Variants in RAP1B observed in about 807,000 individuals in gnomAD.
The protein encoded by RAP1B is ras-related protein Rap-1b.
RAP1B carries 1 observed loss-of-function variant against 27.5 expected under a neutral mutation model. The ratio of observed to expected loss-of-function variants is 0.04; its 90% CI spans 0.01 to 0.17. RAP1B has a LOEUF of 0.17. Ranked by LOEUF, RAP1B falls within the 10% of genes least tolerant of loss-of-function variation. RAP1B has a pLI of 1.00. For missense variants in RAP1B, 84 were observed against 214.8 expected, an observed-to-expected ratio of 0.39 and a Z score of 3.81; for synonymous variants, 75 against 73.1, an observed-to-expected ratio of 1.03 and a Z score of -0.13.
Position 68,650,419 on chromosome 12 carries a change from G to T in RAP1B, c.77G>T (p.Gly26Val). ...TTTCAGACTGTACAATTTGTTCAAG[G>T]AATTTTTGTAGAAAAATACGATCCT... ...KSALTVQFVQ[G>V]IFVEKYDPTI... Residue 26 changes from glycine (G) to valine (V), a missense_variant, in exon 3 of 8, where the codon GGA (glycine) becomes GTA (valine). By Grantham distance (109) the Gly-to-Val change is moderately radical. Transcript: ENST00000250559. 6.4e-7 allele frequency: 1 copy of T among 1,561,670 alleles called. No individual in the cohort carries two copies. Among genetic ancestry groups the T allele is most frequent in the South Asian group, 1.2e-5 (1 of 83,718 alleles).
At chr12:68,627,110 G>A in intron 1 of RAP1B, 1 of 1,589,480 alleles carries the variant, frequency 6.3e-7, no homozygotes, top group Non-Finnish European at 8.5e-7. Context: ...GAATGGAGAT[G>A]ATAACTTGGC....
At chr12:68,639,315 T>C (rs1264908130) in intron 1 of RAP1B, among the ~76,000 whole-genome samples, 2 of 152,106 alleles carry the variant, frequency 1.3e-5, no homozygotes, top group African/African-American at 2.4e-5. Context: ...ATTCCATCTT[T>C]TTGTAGACAA....
rs1039530712 is a variant in RAP1B at position 68,625,160 on chromosome 12, A to G, written c.-27+14117A>G. On this transcript the variant is annotated intron_variant, in intron 1 of 7. Transcript: ENST00000250559. ...TACTTGCTGGCCTAGTAATTATGCA[A>G]GTAAGTAATTAAGTGTTTATTCATA... Among the ~76,000 whole-genome samples, 6 of 152,252 alleles carry G rather than the reference A, an allele frequency of 3.9e-5. No homozygotes were observed. The East Asian group carries it at 5.8e-4, about 15-fold the overall frequency.
At chr12:68,653,370 G>GTTACCTTCAA (rs72254551) in intron 4 of RAP1B, among the ~76,000 whole-genome samples, 19,646 of 151,944 alleles carry the variant, frequency 0.13, 1,470 homozygotes, top group East Asian at 0.24. Flanking sequence ...GCACTGTGTT[G>GTTACCTTCAA]TTACCTTCAA....
At chr12:68,613,600 G>C (rs905664164) in intron 1 of RAP1B, among the ~76,000 whole-genome samples, 2 of 152,138 alleles carry the variant, frequency 1.3e-5, no homozygotes, top group African/African-American at 4.8e-5. Context: ...TTAACGCACT[G>C]GCATGGTGCC....
At position 68,661,397 on chromosome 12, in the gene RAP1B, C is replaced by T. The variant is rs1425619432; in HGVS notation, c.*2148C>T. ...GCTATGTACCAGGCCCAGTTCTAGGCTCAAACAGCTAAATATTCATTCATT... is the reference window on the plus strand; with the variant it reads ...GCTATGTACCAGGCCCAGTTCTAGGTTCAAACAGCTAAATATTCATTCATT... On this transcript the variant is annotated 3_prime_UTR_variant, in exon 8 of 8. Coordinates refer to ENST00000250559, the MANE Select transcript of RAP1B (RefSeq NM_001010942.3). 2.0e-5 allele frequency: 3 copies of T among 152,114 alleles called. No homozygotes were observed. Among genetic ancestry groups the T allele is most frequent in the African/African-American group, 2.4e-5 (1 of 41,420 alleles). The allele number at this position is 152,114 out of a possible 1,614,324, so 9.4% of individuals were successfully genotyped here. A position where few individuals can be genotyped will look rare whatever the true frequency, so the allele number is the denominator to read the frequency against.
rs1262332667 is a variant in RAP1B at position 68,663,631 on chromosome 12, TG to T, written c.*4383del. ...GCCATTTTTTAAAAAAAGTATTCCA[TG>T]TTACACACATTTTAAACTTGCTTCT... is the stretch of plus-strand genomic sequence containing the variant. On this transcript the variant is annotated 3_prime_UTR_variant, in exon 8 of 8. Transcript: ENST00000250559. The T allele has an allele frequency of 6.6e-6, 1 of 152,234 alleles. No individual in the cohort carries two copies. Among genetic ancestry groups the T allele is most frequent in the Non-Finnish European group, 1.5e-5 (1 of 68,036 alleles). 9.4% of individuals were successfully genotyped at this position (152,234 alleles called of 1,614,324 possible).
intron 1 of RAP1B, among the ~76,000 whole-genome samples, chr12:68,636,035 C>T (rs1872609885): frequency 6.6e-6 from 1 of 151,498 alleles, no homozygotes. Context: ...CCCGCCACCA[C>T]ATTCGAGTAT....
In RAP1B at chr12:68,648,690, T is replaced by C. The variant is rs958973147; in HGVS notation, c.-26-9T>C. 2.4e-5 allele frequency: 39 copies of C among 1,592,754 alleles called. No individual in the cohort carries two copies. Among genetic ancestry groups the C allele is most frequent in the Non-Finnish European group, 3.2e-5 (37 of 1,165,752 alleles). ...CTTAGAATTCTTTTTTTTTTTTTCC[T>C]TTAATAAGGTACTAGGTTTTGACAA... On this transcript the variant is annotated splice_polypyrimidine_tract_variant and intron_variant, in intron 1 of 7. Coordinates refer to ENST00000250559, the MANE Select transcript of RAP1B (RefSeq NM_001010942.3).
chr12:68,637,422 AC>A (rs1256849601), intron 1 of RAP1B, among the ~76,000 whole-genome samples: 2 of 151,774 alleles, frequency 1.3e-5, no homozygotes, highest in African/African-American at 2.4e-5. Context: ...TCATGGTGAA[AC>A]CCCACCTCTA....
At chr12:68,617,840 T>G (rs1360199231) in intron 1 of RAP1B, among the ~76,000 whole-genome samples, 1 of 152,108 alleles carries the variant, frequency 6.6e-6, no homozygotes, top group Admixed American at 6.5e-5. Context: ...CTTGGCTCAC[T>G]GCAGCTTCAA....
At chr12:68,622,450 T>C (rs1422629166) in intron 1 of RAP1B, among the ~76,000 whole-genome samples, 5 of 152,250 alleles carry the variant, frequency 3.3e-5, no homozygotes, top group East Asian at 1.9e-4. Flanking sequence ...CAGTTCTTGC[T>C]TACTTCACAA....
intron 1 of RAP1B, chr12:68,641,183 A>T (rs746549549): frequency 4.6e-5 from 7 of 151,996 alleles, no homozygotes; most frequent in Non-Finnish European, 1.0e-4. Context: ...GCTAATTTTC[A>T]TATTTTTTGT....
Position 68,656,698 on chromosome 12 carries a change from G to A in RAP1B, c.468+249G>A, listed in dbSNP as rs944435682. 1.4e-5 allele frequency: 8 copies of A among 564,796 alleles called. No individual in the cohort carries two copies. The African/African-American group carries it at 1.5e-4, about 11-fold the overall frequency. The allele number at this position is 564,796 out of a possible 1,614,324, so 35.0% of individuals were successfully genotyped here. A position where few individuals can be genotyped will look rare whatever the true frequency, so the allele number is the denominator to read the frequency against. ...ACTGGACAGAAAATACATGGATAGGGAAGACAGATTAAGACTTCAGGTATA... is the reference window on the plus strand; with the variant it reads ...ACTGGACAGAAAATACATGGATAGGAAAGACAGATTAAGACTTCAGGTATA... On this transcript the variant is annotated intron_variant, in intron 6 of 7. Transcript: ENST00000250559.
At chr12:68,639,826 A>G (rs1872872050) in intron 1 of RAP1B, among the ~76,000 whole-genome samples, 1 of 151,544 alleles carries the variant, frequency 6.6e-6, no homozygotes, top group African/African-American at 2.4e-5. Flanking sequence ...ACTAATTAGC[A>G]TGTCACCCCA....
rs899585788 is a variant in RAP1B, at chr12:68,613,313, C to T, written c.-27+2270C>T. 1.3e-4 allele frequency among the ~76,000 whole-genome samples: 19 copies of T among 150,634 alleles called. 1 individual carries two copies. The highest frequency in any genetic ancestry group is 1.0e-3 in the Admixed American group (15 of 15,046). ...TTCACATTGAATGAACCAGCTTGAA[C>T]CTGGGAGGCGGAGGGTGCAGTGAGC... On this transcript the variant is annotated intron_variant, in intron 1 of 7. Coordinates refer to ENST00000250559, the MANE Select transcript of RAP1B (RefSeq NM_001010942.3).
chr12:68,626,323 C>T (rs1227952749), intron 1 of RAP1B, among the ~76,000 whole-genome samples: 1 of 152,208 alleles, frequency 6.6e-6, no homozygotes, highest in Admixed American at 6.5e-5. Flanking sequence ...AGCTTATAAA[C>T]TGCATGTAGT....
chr12:68,659,429 T>C lies in RAP1B; in HGVS notation c.*180T>C. On this transcript the variant is annotated 3_prime_UTR_variant, in exon 8 of 8. Transcript: ENST00000250559. ...TTTGCACATTCTAATCACTTTCCAG[T>C]ATCACAAGAGAGATTTTTACTTATA... 2.6e-6 allele frequency: 1 copy of C among 383,136 alleles called. No individual in the cohort carries two copies. The highest frequency in any genetic ancestry group is 5.1e-6 in the Non-Finnish European group (1 of 196,190). 23.7% of individuals were successfully genotyped at this position (383,136 alleles called of 1,614,324 possible).
Position 68,662,751 on chromosome 12 carries a change from TTG to T in RAP1B, c.*3505_*3506del, listed in dbSNP as rs1394464558. The stretch of plus-strand genomic sequence containing the variant: ...CATAATCTGTCAGTGAGCCTTAACA[TTG>T]TGATTTGTAAGACTAAAATTTTTTT... On this transcript the variant is annotated 3_prime_UTR_variant, in exon 8 of 8. Coordinates refer to ENST00000250559, the MANE Select transcript of RAP1B (RefSeq NM_001010942.3). 7 of 152,264 alleles carry T rather than the reference TTG, an allele frequency of 4.6e-5. No individual in the cohort carries two copies. In the East Asian group the frequency reaches 1.4e-3, roughly 29 times the overall value. 9.4% of individuals were successfully genotyped at this position (152,264 alleles called of 1,614,324 possible).
Sources: gnomAD v4.1 joint callset for allele counts (sites outside exome capture counted in the v4.1 genomes callset) on GRCh38, gnomAD v4.1.1 for gene constraint, MANE v1.5 for transcripts, NCBI Gene and HGNC (gene_info 2026-07-23, HGNC 2026-07-21) for gene names.